Variants in DPP6 observed in about 807,000 individuals in gnomAD.
DPP6 encodes A-type potassium channel modulatory protein DPP6.
DPP6 carries 69 observed loss-of-function variants against 122.6 expected under a neutral mutation model. The ratio of observed to expected loss-of-function variants is 0.56; its 90% CI spans 0.46 to 0.69. DPP6 has a LOEUF of 0.69. Ranked by LOEUF, DPP6 falls within the 30% of genes least tolerant of loss-of-function variation. DPP6 has a pLI of 0.00. For missense variants in DPP6, 928 were observed against 1,116.9 expected, an observed-to-expected ratio of 0.83 and a Z score of 2.41; for synonymous variants, 418 against 433.1, an observed-to-expected ratio of 0.97 and a Z score of 0.43.
chr7:154,726,255 C>A (rs1410913812), intron 7 of DPP6, among the ~76,000 whole-genome samples: 3 of 152,204 alleles, frequency 2.0e-5, no homozygotes, highest in Admixed American at 6.5e-5. Context: ...GGCTCCAACC[C>A]CACATTTCCC....
intron 1 of DPP6, among the ~76,000 whole-genome samples, chr7:154,238,244 G>A (rs1801347335): frequency 6.6e-6 from 1 of 152,188 alleles, no homozygotes; most frequent in Non-Finnish European, 1.5e-5. Context: ...CTCAGGCAGT[G>A]TTTGATGGCT....
intron 1 of DPP6, among the ~76,000 whole-genome samples, chr7:154,136,629 A>G (rs1173128057): frequency 1.3e-5 from 2 of 152,142 alleles, no homozygotes; most frequent in Middle Eastern, 3.4e-3. Context: ...CTTCTTCCTT[A>G]TTACTCAGGC....
chr7:154,202,987 A>C (rs1222590220), intron 1 of DPP6, among the ~76,000 whole-genome samples: 1 of 152,160 alleles, frequency 6.6e-6, no homozygotes, highest in African/African-American at 2.4e-5. Flanking sequence ...AGTACATAAT[A>C]AGGATTGACA....
intron 5 of DPP6, among the ~76,000 whole-genome samples, chr7:154,584,827 G>A (rs757396070): frequency 6.6e-6 from 1 of 152,184 alleles, no homozygotes; most frequent in Non-Finnish European, 1.5e-5. Context: ...TGCCTCTAGT[G>A]GACGATCCTG....
chr7:153,985,854 C>CT (rs1796818912), intron 1 of DPP6, among the ~76,000 whole-genome samples: 1 of 152,152 alleles, frequency 6.6e-6, no homozygotes. Flanking sequence ...GAACAAAAAT[C>CT]TAACTATGAA....
At chr7:154,059,803 G>A (rs1184674542) in intron 1 of DPP6, among the ~76,000 whole-genome samples, 1 of 151,352 alleles carries the variant, frequency 6.6e-6, no homozygotes, top group Admixed American at 6.6e-5. Flanking sequence ...TGGGGCCCTG[G>A]CTGAGGCCCG....
intron 7 of DPP6, among the ~76,000 whole-genome samples, chr7:154,698,166 C>A (rs764075451): frequency 1.7e-4 from 26 of 152,184 alleles, no homozygotes; most frequent in Non-Finnish European, 2.8e-4. Context: ...ACATCCCAAC[C>A]TTTTGATACA....
At chr7:154,520,103 ACAGT>A (rs2129951543) in intron 3 of DPP6, among the ~76,000 whole-genome samples, 1 of 152,352 alleles carries the variant, frequency 6.6e-6, no homozygotes, top group South Asian at 2.1e-4. Flanking sequence ...GCCAGAAGTT[ACAGT>A]CAGAGTATGA....
chr7:153,803,500 A>G, the DPP6 span, among the ~76,000 whole-genome samples: 120 of 152,020 alleles, frequency 7.9e-4, 1 homozygote, highest in South Asian at 1.2e-3. Flanking sequence ...CATCTTCTCT[A>G]GCCCTTGGAC....
At chr7:154,557,668 A>G (rs1830141566) in intron 4 of DPP6, among the ~76,000 whole-genome samples, 1 of 152,186 alleles carries the variant, frequency 6.6e-6, no homozygotes, top group Admixed American at 6.5e-5. Context: ...ATCAGTTTTC[A>G]TGTATTGGAC....
Position 153,967,448 on chromosome 7 carries a change from G to GACAGGA in DPP6, c.51+79714_51+79715insACAGGA, listed in dbSNP as rs1464070415. 2.0e-5 allele frequency among the ~76,000 whole-genome samples: 3 copies of GACAGGA among 152,322 alleles called. No homozygotes were observed. In the South Asian group the frequency reaches 6.2e-4, roughly 32 times the overall value. ...CTTCAGCCTGACAGGACAGCAGCTTGCAGTGCAGTAGTTACAACAACTCCG... is the reference window on the plus strand; with the variant it reads ...CTTCAGCCTGACAGGACAGCAGCTTGACAGGACAGTGCAGTAGTTACAACAACTCCG... On this transcript the variant is annotated intron_variant, in intron 1 of 25. Transcript: ENST00000404039.
At chr7:154,786,978 C>T (rs2150413371) in intron 10 of DPP6, among the ~76,000 whole-genome samples, 1 of 152,262 alleles carries the variant, frequency 6.6e-6, no homozygotes, top group South Asian at 2.1e-4. Context: ...CCCTCATGAC[C>T]CTTCTATCTA....
chr7:154,300,142 A>G (rs535295599), intron 1 of DPP6, among the ~76,000 whole-genome samples: 2 of 152,348 alleles, frequency 1.3e-5, no homozygotes, highest in African/African-American at 4.8e-5. Context: ...GGAGGTAAAT[A>G]GCATGGCAAG....
chr7:154,485,814 T>G (rs1009370716), intron 3 of DPP6, among the ~76,000 whole-genome samples: 9 of 152,132 alleles, frequency 5.9e-5, no homozygotes, highest in African/African-American at 2.2e-4. Context: ...TTATTATACT[T>G]TAACTTTTAG....
chr7:154,427,932 C>G (rs757199623), intron 1 of DPP6, among the ~76,000 whole-genome samples: 1 of 152,186 alleles, frequency 6.6e-6, no homozygotes, highest in Non-Finnish European at 1.5e-5. Flanking sequence ...TTAAGCAAGG[C>G]TTTTGTGTGA....
At chr7:154,205,219 C>A (rs898127365) in intron 1 of DPP6, among the ~76,000 whole-genome samples, 1 of 152,006 alleles carries the variant, frequency 6.6e-6, no homozygotes, top group African/African-American at 2.4e-5. Context: ...AGAGAGAGCC[C>A]TTGTACCCTT....
chr7:154,333,512 G>C (rs1443569522), intron 1 of DPP6, among the ~76,000 whole-genome samples: 1 of 152,182 alleles, frequency 6.6e-6, no homozygotes, highest in East Asian at 1.9e-4. Context: ...CATTTAGATG[G>C]TTTAAAGCAT....
chr7:154,872,500 G>C (rs1804481226), intron 18 of DPP6, 124 bp from the exon 19 acceptor site: 3 of 1,431,732 alleles, frequency 2.1e-6, no homozygotes, highest in Non-Finnish European at 2.8e-6. Context: ...GCCAGTCTCT[G>C]TCTGTGGGCT....
At chr7:153,860,697 C>T in the DPP6 span, among the ~76,000 whole-genome samples, 1 of 151,788 alleles carries the variant, frequency 6.6e-6, no homozygotes, top group Non-Finnish European at 1.5e-5. Context: ...CTTCACTTCC[C>T]AGTGTGAGTG....
Sources: allele counts gnomAD v4.1 joint callset (sites outside exome capture counted in the v4.1 genomes callset), GRCh38; gene constraint gnomAD v4.1.1; transcripts MANE v1.5; gene names NCBI Gene and HGNC (gene_info 2026-07-23, HGNC 2026-07-21).